The following SPP2 variants were observed in gnomAD, a reference collection of about 807,000 sequenced individuals.
SPP2 encodes secreted phosphoprotein 2, also known as secreted phosphoprotein 24.
Under a neutral mutation model 28.8 loss-of-function variants are expected in SPP2, and 34 were observed. The ratio of observed to expected loss-of-function variants is 1.18; its 90% CI spans 0.90 to 1.57. The LOEUF (loss-of-function observed/expected upper bound fraction) is 1.57. Among genes scored for constraint, SPP2 ranks in the 40% most tolerant of loss-of-function variants. The pLI is 0.00. For missense variants in SPP2, 269 were observed against 263.9 expected (o/e 1.02, Z -0.13); for synonymous variants, 96 against 89.4 (o/e 1.07, Z -0.42).
At chr2:234,060,512 C>A in intron 4 of SPP2, 33 bp downstream of exon 4, 1 of 1,536,978 alleles carries the variant, frequency 6.5e-7, no homozygotes, top group Non-Finnish European at 9.0e-7. Flanking sequence ...TCCCAGACCG[C>A]ACCTCTTAGG....
Position 234,069,922 on chromosome 2 carries a change from C to A in SPP2, c.551-6C>A. Reference sequence around the variant, plus strand: ...CAGAGCCTATGCTTCCCTTTTCTATCTTTAGGGATCATGAGAAGGGTATTG... The same window carrying A: ...CAGAGCCTATGCTTCCCTTTTCTATATTTAGGGATCATGAGAAGGGTATTG... On this transcript the variant is annotated splice_region_variant and splice_polypyrimidine_tract_variant and intron_variant, in intron 6 of 7. Coordinates refer to ENST00000168148, the MANE Select transcript of SPP2 (RefSeq NM_006944.3). 2.5e-6 allele frequency: 4 copies of A among 1,610,018 alleles called. No homozygotes were observed. The highest frequency in any genetic ancestry group is 3.4e-6 in the Non-Finnish European group (4 of 1,176,630).
Position 234,050,968 on chromosome 2 carries a change from C to T in SPP2, c.86-3C>T. On this transcript the variant is annotated splice_region_variant and splice_polypyrimidine_tract_variant and intron_variant, in intron 1 of 7. Transcript: ENST00000168148. ...ACTGTGCCCCATGTGCTTGCGTGTC[C>T]AGGTTTCCCAGTGTACGACTACGAT... The T allele has an allele frequency of 6.2e-7, 1 of 1,613,960 alleles. No individual in the cohort carries two copies. The highest frequency in any genetic ancestry group is 8.5e-7 in the Non-Finnish European group (1 of 1,179,906).
At chr2:234,053,099 C>T (rs1008878376) in intron 2 of SPP2, among the ~76,000 whole-genome samples, 25 of 151,772 alleles carry the variant, frequency 1.6e-4, no homozygotes, top group Non-Finnish European at 2.2e-4. Flanking sequence ...ATTCAACCTC[C>T]CTAATAGAAG....
chr2:234,059,406 G>A (rs914542027), intron 3 of SPP2, among the ~76,000 whole-genome samples: 8 of 152,074 alleles, frequency 5.3e-5, no homozygotes, highest in African/African-American at 1.4e-4. Context: ...TGGCATGTTC[G>A]CTTTCGTGTC....
At chr2:234,060,087 C>T (rs751111085) in intron 3 of SPP2, among the ~76,000 whole-genome samples, 17 of 152,010 alleles carry the variant, frequency 1.1e-4, no homozygotes, top group African/African-American at 2.2e-4. Context: ...TCTTTTTGTC[C>T]GAATGAAAAT....
chr2:234,063,935 C>T (rs751811958), intron 4 of SPP2, among the ~76,000 whole-genome samples: 1 of 152,100 alleles, frequency 6.6e-6, no homozygotes, highest in Admixed American at 6.6e-5. Flanking sequence ...TTATTTACTG[C>T]CTTTCATTTC....
intron 2 of SPP2, among the ~76,000 whole-genome samples, chr2:234,052,086 A>G (rs1168471293): frequency 6.6e-6 from 1 of 152,214 alleles, no homozygotes; most frequent in Non-Finnish European, 1.5e-5. Context: ...AAATGAATCA[A>G]AAGGACCCAG....
At chr2:234,062,653 A>C (rs561023545) in intron 4 of SPP2, among the ~76,000 whole-genome samples, 1 of 152,336 alleles carries the variant, frequency 6.6e-6, no homozygotes, top group East Asian at 1.9e-4. Flanking sequence ...ATATGAAATA[A>C]ATAAGAGGTG....
At chr2:234,065,655 T>G (rs1406468109) in intron 4 of SPP2, among the ~76,000 whole-genome samples, 2 of 152,254 alleles carry the variant, frequency 1.3e-5, no homozygotes, top group African/African-American at 4.8e-5. Context: ...GAAATGTCTA[T>G]TCAAATCCTT....
chr2:234,075,192 CT>C (rs976679061), intron 7 of SPP2, among the ~76,000 whole-genome samples: 33 of 152,044 alleles, frequency 2.2e-4, no homozygotes, highest in African/African-American at 8.0e-4. Flanking sequence ...ACCATGAGTA[CT>C]GATTTTGGGG....
chr2:234,059,515 C>T (rs185696438), intron 3 of SPP2, among the ~76,000 whole-genome samples: 2 of 152,254 alleles, frequency 1.3e-5, no homozygotes, highest in Non-Finnish European at 2.9e-5. Flanking sequence ...AAGAAAGAGG[C>T]TCCCAAATCC....
At chr2:234,066,193 A>G (rs1693815077) in intron 4 of SPP2, among the ~76,000 whole-genome samples, 1 of 152,154 alleles carries the variant, frequency 6.6e-6, no homozygotes, top group Admixed American at 6.5e-5. Flanking sequence ...CTTTATAGAG[A>G]GAAACCTCTA....
chr2:234,071,522 C>T lies in SPP2; in HGVS notation c.*10+1499C>T, dbSNP rs150245452. Among the ~76,000 whole-genome samples, 546 of 152,262 alleles carry T rather than the reference C, an allele frequency of 3.6e-3. 6 individuals carry two copies. The highest frequency in any genetic ancestry group is 0.013 in the African/African-American group (521 of 41,542). On this transcript the variant is annotated intron_variant, in intron 7 of 7. Coordinates refer to ENST00000168148, the MANE Select transcript of SPP2 (RefSeq NM_006944.3). ...AAATGTAGCTATCATGAAGGGCACA[C>T]GTAAGAGGAATCTCAAGATGGAATT...
Position 234,050,954 on chromosome 2 carries a change from T to A in SPP2, c.86-17T>A. 6.2e-7 allele frequency: 1 copy of A among 1,613,996 alleles called. No individual in the cohort carries two copies. The highest frequency in any genetic ancestry group is 1.1e-5 in the South Asian group (1 of 91,068). On this transcript the variant is annotated splice_polypyrimidine_tract_variant and intron_variant, in intron 1 of 7. Transcript: ENST00000168148. Reference sequence around the variant, plus strand: ...CTGTGTCTTGTCTCACTGTGCCCCATGTGCTTGCGTGTCCAGGTTTCCCAG... The same window carrying A: ...CTGTGTCTTGTCTCACTGTGCCCCAAGTGCTTGCGTGTCCAGGTTTCCCAG...
At chr2:234,053,894 T>A (rs1160279541) in intron 2 of SPP2, among the ~76,000 whole-genome samples, 1 of 150,552 alleles carries the variant, frequency 6.6e-6, no homozygotes, top group Non-Finnish European at 1.5e-5. Flanking sequence ...GAGCAGTTTC[T>A]ACCAGGGAAA....
chr2:234,074,005 T>C (rs73111380), intron 7 of SPP2, among the ~76,000 whole-genome samples: 3 of 152,306 alleles, frequency 2.0e-5, no homozygotes, highest in African/African-American at 7.2e-5. Context: ...TCATACATTC[T>C]CTTGCATAAA....
At position 234,066,598 on chromosome 2, in the gene SPP2, A is replaced by G. The variant is rs1374626676; in HGVS notation, c.499+11A>G. 1 of 1,603,140 alleles carries G rather than the reference A, an allele frequency of 6.2e-7. No individual in the cohort carries two copies. The highest frequency in any genetic ancestry group is 2.2e-5 in the East Asian group (1 of 44,700). ...ACAATTATCTATTTGGTAAGTTAAG[A>G]TCTGTTCTTTTTAACTTTTTTTCTT... On this transcript the variant is annotated intron_variant, in intron 5 of 7. Coordinates refer to ENST00000168148, the MANE Select transcript of SPP2 (RefSeq NM_006944.3).
Position 234,050,883 on chromosome 2 carries a change from A to G in SPP2, c.85+12A>G. The G allele has an allele frequency of 6.2e-7, 1 of 1,614,044 alleles. No homozygotes were observed. The highest frequency in any genetic ancestry group is 1.1e-5 in the South Asian group (1 of 91,072). ...CTGGTCTTGCTCAGGTAAGGTATTC[A>G]CCAACCTGGCCACCTGCTCTGGATC... is the stretch of plus-strand genomic sequence containing the variant. On this transcript the variant is annotated intron_variant, in intron 1 of 7. Coordinates refer to ENST00000168148, the MANE Select transcript of SPP2 (RefSeq NM_006944.3).
At chr2:234,058,126 T>C (rs922163491) in intron 2 of SPP2, among the ~76,000 whole-genome samples, 4 of 152,186 alleles carry the variant, frequency 2.6e-5, no homozygotes, top group Non-Finnish European at 4.4e-5. Context: ...TTCATTAACA[T>C]TGAACTCACG....
Sources: gnomAD v4.1 joint callset for allele counts (sites outside exome capture counted in the v4.1 genomes callset) on GRCh38, gnomAD v4.1.1 for gene constraint, MANE v1.5 for transcripts, NCBI Gene and HGNC (gene_info 2026-07-23, HGNC 2026-07-21) for gene names.